Variants in USP14 observed in about 807,000 individuals in gnomAD.
USP14 encodes the protein ubiquitin specific peptidase 14, also known as ubiquitin carboxyl-terminal hydrolase 14.
In USP14, 38 loss-of-function variants were observed where a neutral mutation model predicts 76.5. The observed-to-expected ratio is 0.50, with a 90% confidence interval of 0.38 to 0.65. USP14 has a LOEUF of 0.65. USP14 is among the 30% of genes least tolerant of loss of function. The pLI, the probability that USP14 is intolerant of heterozygous loss-of-function variation, is 0.00. For synonymous variants in USP14, 192 were observed against 191.7 expected, an observed-to-expected ratio of 1.00 and a Z score of -0.01; for missense variants, 467 against 586.5, an observed-to-expected ratio of 0.80 and a Z score of 2.10.
In USP14 at chr18:199,288, TC is replaced by T; in HGVS notation, c.849del (p.Lys284SerfsTer41). On this transcript the variant is annotated frameshift_variant, in exon 10 of 16. Transcript: ENST00000261601. LOFTEE classifies it high-confidence loss of function. ...CTTAGCTGTTTTATCAATCAGGAAG[TC>T]AAGTATCTTTTTACAGGACTTAAAT... is the stretch of plus-strand genomic sequence containing the variant. ...LQLSCFINQE[V>X]KYLFTGLKLR... The T allele has an allele frequency of 6.2e-7, 1 of 1,613,604 alleles. No homozygotes were observed. Among genetic ancestry groups the T allele is most frequent in the Non-Finnish European group, 8.5e-7 (1 of 1,179,656 alleles).
At chr18:161,562 A>C (rs1434480926) in intron 1 of USP14, among the ~76,000 whole-genome samples, 1 of 152,114 alleles carries the variant, frequency 6.6e-6, no homozygotes, top group Non-Finnish European at 1.5e-5. Flanking sequence ...TAATTACTCT[A>C]GCCTCCTCCC....
At chr18:181,711 A>G (rs921950354) in intron 5 of USP14, among the ~76,000 whole-genome samples, 2 of 151,792 alleles carry the variant, frequency 1.3e-5, no homozygotes, top group African/African-American at 2.4e-5. Context: ...TTGTAATGCA[A>G]ATGTTTTTTA....
At chr18:196,296 C>G (rs1910232751) in intron 6 of USP14, among the ~76,000 whole-genome samples, 1 of 151,416 alleles carries the variant, frequency 6.6e-6, no homozygotes, top group Non-Finnish European at 1.5e-5. Flanking sequence ...GTGAGCGGAT[C>G]ATGAGGTCAG....
At chr18:202,978 C>A in intron 11 of USP14, 33 bp downstream of exon 11, 1 of 1,610,106 alleles carries the variant, frequency 6.2e-7, no homozygotes, top group Non-Finnish European at 8.5e-7. Flanking sequence ...AGCCAAATTC[C>A]GCTTCACTGA....
chr18:197,753 A>AT (rs36038195), intron 8 of USP14, 57 bp downstream of exon 8: 93 of 1,276,304 alleles, frequency 7.3e-5, no homozygotes, highest in African/African-American at 2.6e-4. Flanking sequence ...TTTTTTTTTT[A>AT]TTTTTTTTCC....
intron 3 of USP14, among the ~76,000 whole-genome samples, chr18:173,080 G>A (rs550088136): frequency 5.3e-5 from 8 of 150,842 alleles, no homozygotes; most frequent in African/African-American, 1.9e-4. Flanking sequence ...ATAAGTTTTA[G>A]CTGTTACATT....
intron 2 of USP14, 63 bp from the exon 3 acceptor site, chr18:166,724 T>G: frequency 6.9e-7 from 1 of 1,452,666 alleles, no homozygotes; most frequent in Non-Finnish European, 9.5e-7. Context: ...AATAAATTGA[T>G]TATTAGATTG....
Position 158,570 on chromosome 18 carries a change from C to T in USP14, c.-129C>T, listed in dbSNP as rs1909014312. The T allele has an allele frequency of 3.2e-6, 3 of 930,474 alleles. No individual in the cohort carries two copies. The highest frequency in any genetic ancestry group is 2.7e-5 in the Admixed American group (1 of 36,536). 57.6% of individuals were successfully genotyped at this position (930,474 alleles called of 1,614,324 possible). On this transcript the variant is annotated 5_prime_UTR_variant, in exon 1 of 16. Coordinates refer to ENST00000261601, the MANE Select transcript of USP14 (RefSeq NM_005151.4). ...AGTGGCCGGTTTGAATGAGACTCGT[C>T]GCACCGAAGCCGCCGCCACCACCGC...
chr18:187,608 A>AT (rs1219097093), intron 5 of USP14, among the ~76,000 whole-genome samples: 1 of 151,930 alleles, frequency 6.6e-6, no homozygotes, highest in African/African-American at 2.4e-5. Context: ...AGTAAGATGG[A>AT]TTTTTTTCAC....
intron 5 of USP14, among the ~76,000 whole-genome samples, chr18:183,454 T>C (rs919633015): frequency 6.6e-6 from 1 of 152,112 alleles, no homozygotes; most frequent in African/African-American, 2.4e-5. Context: ...TTGGTCATTA[T>C]TTCTTTAGGT....
At chr18:171,026 AT>A (rs1314053579) in intron 3 of USP14, among the ~76,000 whole-genome samples, 1,114 of 30,632 alleles carry the variant, frequency 0.036, 14 homozygotes, top group African/African-American at 0.11. Context: ...AAAAAAAAAA[AT>A]ATATATATAT....
intron 2 of USP14, among the ~76,000 whole-genome samples, chr18:166,327 T>A (rs1160996152): frequency 2.0e-5 from 3 of 152,080 alleles, no homozygotes; most frequent in Non-Finnish European, 4.4e-5. Flanking sequence ...CACTTGTGTT[T>A]AAAAAAAATT....
chr18:173,935 C>T (rs1204930420), intron 3 of USP14, among the ~76,000 whole-genome samples: 3 of 152,152 alleles, frequency 2.0e-5, no homozygotes, highest in African/African-American at 7.2e-5. Flanking sequence ...TACCTTTGTA[C>T]CAGTACCCAT....
rs1324285192 is a variant in USP14 at position 211,410 on chromosome 18, G to T, written c.*126G>T. On this transcript the variant is annotated 3_prime_UTR_variant, in exon 16 of 16. Transcript: ENST00000261601. ...GTTTCACCTCATTTGGAACAAAAGA[G>T]GACAGAAGCAGACCACTCTGTGCAC... 4 of 1,040,354 alleles carry T rather than the reference G, an allele frequency of 3.8e-6. No individual in the cohort carries two copies. The African/African-American group carries it at 6.5e-5, about 17-fold the overall frequency. The allele number at this position is 1,040,354 out of a possible 1,614,324, so 64.4% of individuals were successfully genotyped here. A position where few individuals can be genotyped will look rare whatever the true frequency, so the allele number is the denominator to read the frequency against.
intron 5 of USP14, among the ~76,000 whole-genome samples, chr18:191,652 C>T (rs62073491): frequency 0.031 from 4,649 of 152,224 alleles, 103 homozygotes; most frequent in Non-Finnish European, 0.045. Flanking sequence ...GTAAAATAAA[C>T]GGAATCCTAC....
chr18:187,018 C>A (rs1293913833), intron 5 of USP14, among the ~76,000 whole-genome samples: 1 of 151,892 alleles, frequency 6.6e-6, no homozygotes, highest in Non-Finnish European at 1.5e-5. Flanking sequence ...GTTGTTATCC[C>A]AAAAGGTAGA....
In USP14 at chr18:171,304, G is replaced by T. The variant is rs145455804; in HGVS notation, c.195+4485G>T. ...AGCTAGAGAGGAGAAGTCAGTGCCT[G>T]GGTTCAAAGGCCAGACTGACTGTCT... On this transcript the variant is annotated intron_variant, in intron 3 of 15. Transcript: ENST00000261601. 5.9e-5 allele frequency among the ~76,000 whole-genome samples: 9 copies of T among 152,030 alleles called. No individual in the cohort carries two copies. In the East Asian group the frequency reaches 1.7e-3, roughly 30 times the overall value.
chr18:209,567 C>T (rs1910615703), intron 13 of USP14, among the ~76,000 whole-genome samples: 3 of 152,136 alleles, frequency 2.0e-5, no homozygotes, highest in South Asian at 4.1e-4. Flanking sequence ...ATACAAATTG[C>T]AGGAATTCTT....
At chr18:189,590 CT>C (rs1378075606) in intron 5 of USP14, among the ~76,000 whole-genome samples, 19 of 152,146 alleles carry the variant, frequency 1.2e-4, no homozygotes, top group African/African-American at 4.3e-4. Context: ...TCAAGTGATT[CT>C]CCTACCACAG....
Sources: allele counts gnomAD v4.1 joint callset (sites outside exome capture counted in the v4.1 genomes callset), GRCh38; gene constraint gnomAD v4.1.1; transcripts MANE v1.5; gene names NCBI Gene and HGNC (gene_info 2026-07-23, HGNC 2026-07-21).